The following FRMD5 variants were observed in gnomAD, a reference collection of about 807,000 sequenced individuals.
The protein encoded by FRMD5 is FERM domain-containing protein 5.
In FRMD5, 20 loss-of-function variants were observed where a neutral mutation model predicts 69.0. The observed-to-expected ratio is 0.29, with a 90% CI of 0.20 to 0.42. The LOEUF is 0.42. FRMD5 is among the 10% of genes least tolerant of loss of function. The pLI is 1.00. For synonymous variants in FRMD5, 271 were observed against 260.1 expected (o/e 1.04, Z -0.40); for missense variants, 595 against 708.6 (o/e 0.84, Z 1.82).
chr15:43,998,892 C>T (rs918699011), intron 1 of FRMD5, among the ~76,000 whole-genome samples: 1 of 152,144 alleles, frequency 6.6e-6, no homozygotes, highest in Non-Finnish European at 1.5e-5. Context: ...TGCAAAATGA[C>T]GTCACTTTCT....
intron 1 of FRMD5, among the ~76,000 whole-genome samples, chr15:44,119,781 T>G (rs989482173): frequency 7.9e-5 from 12 of 151,186 alleles, no homozygotes; most frequent in African/African-American, 2.9e-4. Flanking sequence ...CAAAAGCACC[T>G]AACCCAGTTC....
intron 1 of FRMD5, among the ~76,000 whole-genome samples, chr15:44,161,250 C>A (rs116962999): frequency 0.015 from 2,304 of 152,286 alleles, 24 homozygotes; most frequent in Middle Eastern, 0.044. Context: ...CAAAAAAGTT[C>A]AACTGCTGCT....
At chr15:43,997,738 C>T (rs1890001620) in intron 1 of FRMD5, among the ~76,000 whole-genome samples, 1 of 152,174 alleles carries the variant, frequency 6.6e-6, no homozygotes, top group African/African-American at 2.4e-5. Context: ...GGAAACACGT[C>T]TATCTATCTC....
chr15:44,063,896 C>A, intron 1 of FRMD5: 1 of 271,816 alleles, frequency 3.7e-6, no homozygotes, highest in East Asian at 1.1e-4. Context: ...GTCGACGTCC[C>A]CATGTTTGTA....
chr15:43,947,939 A>G (rs2089971978), intron 1 of FRMD5, among the ~76,000 whole-genome samples: 1 of 152,144 alleles, frequency 6.6e-6, no homozygotes, highest in Admixed American at 6.5e-5. Context: ...ATTCTCCCAC[A>G]GGTGTAGATC....
chr15:43,917,186 C>T (rs2089405526), intron 4 of FRMD5, among the ~76,000 whole-genome samples: 1 of 152,208 alleles, frequency 6.6e-6, no homozygotes, highest in Non-Finnish European at 1.5e-5. Flanking sequence ...TCACTGGCTG[C>T]TCCCTCTCAT....
intron 1 of FRMD5, among the ~76,000 whole-genome samples, chr15:44,175,984 C>T (rs1291985513): frequency 1.3e-5 from 2 of 152,156 alleles, no homozygotes; most frequent in Non-Finnish European, 2.9e-5. Context: ...AGATTCAATA[C>T]ACTTCGTATC....
intron 13 of FRMD5, chr15:43,879,500 T>A (rs2088463919): frequency 2.5e-6 from 1 of 398,932 alleles, no homozygotes; most frequent in African/African-American, 2.1e-5. Flanking sequence ...CTTTTTTACC[T>A]TGGAAATGCT....
chr15:44,071,702 T>C (rs115736520), intron 1 of FRMD5, among the ~76,000 whole-genome samples: 35 of 152,326 alleles, frequency 2.3e-4, no homozygotes, highest in African/African-American at 8.4e-4. Flanking sequence ...AATGTACTCT[T>C]TTCCATCTCT....
Position 44,027,648 on chromosome 15 carries a change from TTTG to T in FRMD5, c.103-103342_103-103340del, listed in dbSNP as rs1301688263. Among the ~76,000 whole-genome samples, 37 of 29,620 alleles carry T rather than the reference TTTG, an allele frequency of 1.2e-3. 1 individual carries two copies. The highest frequency in any genetic ancestry group is 1.6e-3 in the African/African-American group (28 of 17,602). 19.4% of individuals were successfully genotyped at this position (29,620 alleles called of 152,430 possible). On this transcript the variant is annotated intron_variant, in intron 1 of 13. Transcript: ENST00000417257. ...CTGACTTTCTTTTCTAGTTTTTTTT[TTTG>T]TTTTTTTTTTTTTTTCCGAGACAGA...
chr15:43,909,622 A>G (rs936766384), intron 5 of FRMD5, among the ~76,000 whole-genome samples: 12 of 152,042 alleles, frequency 7.9e-5, no homozygotes, highest in Admixed American at 6.5e-4. Context: ...CTGGGACTAC[A>G]GGTGTGTGCC....
At chr15:43,959,448 A>T (rs1286702689) in intron 1 of FRMD5, among the ~76,000 whole-genome samples, 1 of 152,242 alleles carries the variant, frequency 6.6e-6, no homozygotes, top group African/African-American at 2.4e-5. Context: ...TGCGCCTGAA[A>T]ATAATCATAA....
Position 44,195,228 on chromosome 15 carries a change from A to C in FRMD5, c.-174T>G. ...TCCTCCTTATCCTCCTCCTTCCCTC[A>C]GCCGCCACCGCCTCCCCCCAGCCCA... On this transcript the variant is annotated 5_prime_UTR_variant, in exon 1 of 14. Transcript: ENST00000417257. The C allele has an allele frequency of 1.9e-6, 1 of 535,850 alleles. No individual in the cohort carries two copies. The highest frequency in any genetic ancestry group is 3.2e-6 in the Non-Finnish European group (1 of 307,792). The allele number at this position is 535,850 out of a possible 1,614,324, so 33.2% of individuals were successfully genotyped here. A position where few individuals can be genotyped will look rare whatever the true frequency, so the allele number is the denominator to read the frequency against.
chr15:44,025,498 CA>C (rs1354668688), intron 1 of FRMD5, among the ~76,000 whole-genome samples: 2 of 152,108 alleles, frequency 1.3e-5, no homozygotes, highest in African/African-American at 2.4e-5. Context: ...TACATCTATG[CA>C]GTCTGCCAAA....
chr15:44,118,206 G>T (rs2076897971), intron 1 of FRMD5, among the ~76,000 whole-genome samples: 1 of 151,962 alleles, frequency 6.6e-6, no homozygotes, highest in African/African-American at 2.4e-5. Flanking sequence ...TAACTCCATG[G>T]TAAGGCCTAC....
chr15:43,874,490 G>T (rs913879149), intron 13 of FRMD5, 28 bp from the exon 14 acceptor site: 4 of 1,573,806 alleles, frequency 2.5e-6, no homozygotes, highest in Non-Finnish European at 3.5e-6. Context: ...ACATGAGTAG[G>T]CTGTGTCCCA....
intron 1 of FRMD5, among the ~76,000 whole-genome samples, chr15:44,053,040 G>A (rs1159543627): frequency 1.3e-5 from 2 of 152,188 alleles, no homozygotes; most frequent in African/African-American, 4.8e-5. Flanking sequence ...GATATTATGA[G>A]ATAATACTGC....
At chr15:43,944,188 G>C (rs1351809461) in intron 1 of FRMD5, among the ~76,000 whole-genome samples, 1 of 152,232 alleles carries the variant, frequency 6.6e-6, no homozygotes, top group East Asian at 1.9e-4. Flanking sequence ...CATCTGGCAA[G>C]AGCCTTCTTG....
chr15:44,062,457 AAGGC>A (rs2140384112), intron 1 of FRMD5, among the ~76,000 whole-genome samples: 1 of 152,246 alleles, frequency 6.6e-6, no homozygotes, highest in South Asian at 2.1e-4. Flanking sequence ...TTAGGAGACC[AAGGC>A]AGGCGGATCA....
Sources: allele counts gnomAD v4.1 joint callset (sites outside exome capture counted in the v4.1 genomes callset), GRCh38; gene constraint gnomAD v4.1.1; transcripts MANE v1.5; gene names NCBI Gene and HGNC (gene_info 2026-07-23, HGNC 2026-07-21).